The following NCOR1 variants were observed in gnomAD, a reference collection of about 807,000 sequenced individuals.
NCOR1 encodes nuclear receptor corepressor 1.
In NCOR1, 63 loss-of-function variants were observed where a neutral mutation model predicts 288.1. The observed-to-expected ratio is 0.22, with a 90% CI of 0.18 to 0.27. The LOEUF (loss-of-function observed/expected upper bound fraction) is 0.27, where lower values mean the gene tolerates loss of function less well. NCOR1 is among the 10% of genes least tolerant of loss of function. The pLI, the probability that NCOR1 is intolerant of heterozygous loss-of-function variation, is 1.00. For synonymous variants in NCOR1, 1,007 were observed against 1,065.9 expected (o/e 0.94, Z 1.08); for missense variants, 2,397 against 3,019.2 (o/e 0.79, Z 4.83).
chr17:16,042,009 C>T (rs1393733927), intron 42 of NCOR1, among the ~76,000 whole-genome samples: 2 of 152,162 alleles, frequency 1.3e-5, no homozygotes, highest in Admixed American at 1.3e-4. Context: ...GCTGGGATTA[C>T]AGGTGTGAGC....
At chr17:16,172,542 T>C (rs1424825401) in intron 3 of NCOR1, among the ~76,000 whole-genome samples, 2 of 152,050 alleles carry the variant, frequency 1.3e-5, no homozygotes, top group Non-Finnish European at 2.9e-5. Context: ...TTTCAACCAA[T>C]AATAAAAACA....
chr17:16,127,451 A>ATGTATATATACGTGTATG lies in NCOR1; in HGVS notation c.1510-1263_1510-1246dup, dbSNP rs1568202210. Among the ~76,000 whole-genome samples, 14 of 145,756 alleles carry ATGTATATATACGTGTATG rather than the reference A, an allele frequency of 9.6e-5. 2 individuals are homozygous for ATGTATATATACGTGTATG. The highest frequency in any genetic ancestry group is 1.8e-4 in the Non-Finnish European group (12 of 66,540). On this transcript the variant is annotated intron_variant, in intron 14 of 45. Coordinates refer to ENST00000268712, the MANE Select transcript of NCOR1 (RefSeq NM_006311.4). The stretch of plus-strand genomic sequence containing the variant: ...TATATGTGTATGTATATATGTGTAT[A>ATGTATATATACGTGTATG]TGTATATATACGTGTATGTGTATAT...
At chr17:16,039,758 G>C (rs1280907011) in intron 43 of NCOR1, 104 bp from the exon 44 acceptor site, 5 of 1,033,954 alleles carry the variant, frequency 4.8e-6, no homozygotes, top group Non-Finnish European at 5.7e-6. Context: ...CACTTGGCAA[G>C]TGACCTAGAA....
chr17:16,034,906 T>C lies in NCOR1; in HGVS notation c.6994A>G (p.Ser2332Gly). 1 of 1,614,190 alleles carries C rather than the reference T, an allele frequency of 6.2e-7. No individual in the cohort carries two copies. ...CKPKLISKSN[S>G]RKSKSPIPGQ... ...GGTATAGGAGACTTAGATTTCCTGC[T>C]GTTTGACTTGCTGATCAGCTTTGGT... Residue 2332 changes from serine (S) to glycine (G), a missense_variant, in exon 45 of 46, where the codon AGC (serine) becomes GGC (glycine). Around this residue, in one of 11 missense-constraint regions of NCOR1, gnomAD observed 1,872 missense variants for 2,187.8 expected, o/e 0.86. Coordinates refer to ENST00000268712, the MANE Select transcript of NCOR1 (RefSeq NM_006311.4).
chr17:16,127,699 G>A (rs1250027665), intron 14 of NCOR1, among the ~76,000 whole-genome samples: 1 of 137,690 alleles, frequency 7.3e-6, no homozygotes, highest in Admixed American at 7.4e-5. Flanking sequence ...ATACATATAT[G>A]TATATATGTG....
Position 16,091,853 on chromosome 17 carries a change from A to C in NCOR1, c.3016+10T>G. The stretch of plus-strand genomic sequence containing the variant: ...TAAAAGTTCTCTTGGTGATAGCTCT[A>C]TCTACCTACCTTCCCACTCTCTGTT... On this transcript the variant is annotated intron_variant, in intron 22 of 45. Transcript: ENST00000268712. 6.2e-7 allele frequency: 1 copy of C among 1,613,968 alleles called. No homozygotes were observed. Among genetic ancestry groups the C allele is most frequent in the Non-Finnish European group, 8.5e-7 (1 of 1,180,016 alleles).
In NCOR1 at chr17:16,138,347, G is replaced by A. The variant is rs1429759295; in HGVS notation, c.1353-135C>T. Reference sequence around the variant, plus strand: ...TGCCTGTAATCCCAGCACTTTGGGAGGCCGAAGAAGGTGGATCACTTGAGG... The same window carrying A: ...TGCCTGTAATCCCAGCACTTTGGGAAGCCGAAGAAGGTGGATCACTTGAGG... On this transcript the variant is annotated intron_variant, in intron 12 of 45. Coordinates refer to ENST00000268712, the MANE Select transcript of NCOR1 (RefSeq NM_006311.4). The A allele has an allele frequency of 4.5e-6, 3 of 664,082 alleles. No individual in the cohort carries two copies. In the African/African-American group the frequency reaches 5.6e-5, roughly 12 times the overall value. The allele number at this position is 664,082 out of a possible 1,614,324, so 41.1% of individuals were successfully genotyped here.
intron 32 of NCOR1, among the ~76,000 whole-genome samples, chr17:16,067,621 CATT>C (rs1468184553): frequency 6.6e-6 from 1 of 152,190 alleles, no homozygotes; most frequent in Non-Finnish European, 1.5e-5. Context: ...TAATTATTCA[CATT>C]AATCCACTTT....
chr17:16,113,440 A>G (rs1001116788), intron 18 of NCOR1, among the ~76,000 whole-genome samples: 6 of 152,196 alleles, frequency 3.9e-5, no homozygotes, highest in Admixed American at 3.9e-4. Flanking sequence ...TCACACAGAT[A>G]TGTCGTTGGA....
chr17:16,172,443 C>T (rs1465929227), intron 3 of NCOR1, among the ~76,000 whole-genome samples: 1 of 152,060 alleles, frequency 6.6e-6, no homozygotes, highest in Non-Finnish European at 1.5e-5. Context: ...AGTTTAGTTG[C>T]TGAAGAATAT....
intron 18 of NCOR1, among the ~76,000 whole-genome samples, chr17:16,110,209 A>C (rs2069739522): frequency 1.3e-5 from 2 of 152,176 alleles, no homozygotes. Context: ...TAAAAAAATT[A>C]GCTCTGTGTG....
intron 34 of NCOR1, 151 bp downstream of exon 34, chr17:16,064,719 G>T (rs746108265): frequency 4.1e-5 from 26 of 640,112 alleles, no homozygotes; most frequent in Non-Finnish European, 6.4e-5. Context: ...GGTATCTAGT[G>T]ACAGCTGGCA....
At chr17:16,200,850 C>A (rs2090695969) in intron 1 of NCOR1, among the ~76,000 whole-genome samples, 1 of 152,152 alleles carries the variant, frequency 6.6e-6, no homozygotes, top group Non-Finnish European at 1.5e-5. Flanking sequence ...AGGACCACCA[C>A]CCTGGGCATC....
At chr17:16,132,515 T>C (rs997420304) in intron 14 of NCOR1, among the ~76,000 whole-genome samples, 1 of 152,150 alleles carries the variant, frequency 6.6e-6, no homozygotes, top group Non-Finnish European at 1.5e-5. Context: ...CAAAAACATA[T>C]AGAGAACCAC....
In NCOR1 at chr17:16,139,090, T is replaced by C; in HGVS notation, c.1270A>G (p.Met424Val). The change falls in exon 12 of 46, where the codon ATG becomes GTG. Residue 424 changes from methionine to valine, a missense_variant. By Grantham distance (21) the Met-to-Val change is conservative. Transcript: ENST00000268712. ...RVKFINMNGLMEDPMKVYKDR... is the reference protein window; with the variant it reads ...RVKFINMNGLVEDPMKVYKDR... ...TTATACACTTTCATAGGGTCCTCCA[T>C]AAGCCCATTCATGTTAATGAACTTG... 1 of 1,613,226 alleles carries C rather than the reference T, an allele frequency of 6.2e-7. No individual in the cohort carries two copies. The highest frequency in any genetic ancestry group is 8.5e-7 in the Non-Finnish European group (1 of 1,179,518).
chr17:16,186,517 A>C (rs2086713048), intron 3 of NCOR1, 37 bp downstream of exon 3: 1 of 1,588,524 alleles, frequency 6.3e-7, no homozygotes, highest in African/African-American at 1.4e-5. Context: ...CTTCACAATT[A>C]TAATCCTAGA....
At chr17:16,064,602 CCAAAACAAAAA>C (rs1471091290) in intron 34 of NCOR1, among the ~76,000 whole-genome samples, 1 of 149,624 alleles carries the variant, frequency 6.7e-6, no homozygotes, top group African/African-American at 2.5e-5. Context: ...GACTCTGTCT[CCAAAACAAAAA>C]CAAAAAAAAA....
At chr17:16,201,827 C>T (rs1474426254) in intron 1 of NCOR1, among the ~76,000 whole-genome samples, 4 of 152,130 alleles carry the variant, frequency 2.6e-5, no homozygotes, top group South Asian at 2.1e-4. Flanking sequence ...CGGTGGCTCA[C>T]GTCTGTAATC....
chr17:16,120,910 T>A (rs1320378381), intron 16 of NCOR1, 142 bp downstream of exon 16: 8 of 736,384 alleles, frequency 1.1e-5, no homozygotes, highest in Non-Finnish European at 1.6e-5. Context: ...AACTTTGACA[T>A]TAAAGTTTAA....
Sources: gnomAD v4.1 joint callset for allele counts (sites outside exome capture counted in the v4.1 genomes callset) on GRCh38, gnomAD v4.1.1 for gene constraint, gnomAD v4.1.1 regional missense constraint, MANE v1.5 for transcripts, NCBI Gene and HGNC (gene_info 2026-07-23, HGNC 2026-07-21) for gene names.